Variants in GSE1 observed in about 807,000 individuals in gnomAD.
GSE1 encodes genetic suppressor element 1.
In GSE1, 32 loss-of-function variants were observed where a neutral mutation model predicts 112.6. The observed-to-expected ratio is 0.28, with a 90% CI of 0.21 to 0.38. The LOEUF is 0.38. Among genes scored for constraint, GSE1 ranks in the 10% least tolerant of loss-of-function variants. The probability of loss-of-function intolerance (pLI) is 1.00; values close to 1 mark genes in which losing one functional copy is unlikely to be tolerated. For synonymous variants in GSE1, 1,115 were observed against 735.6 expected (o/e 1.52, Z -8.35); for missense variants, 2,348 against 1,699.2 (o/e 1.38, Z -6.71).
At chr16:85,341,757 C>T (rs1309173973) in intron 1 of GSE1, among the ~76,000 whole-genome samples, 1 of 151,356 alleles carries the variant, frequency 6.6e-6, no homozygotes, top group Non-Finnish European at 1.5e-5. Flanking sequence ...GCCCTGGCCC[C>T]CCAAAACACT....
At chr16:85,463,486 G>A (rs1279006949) in intron 2 of GSE1, among the ~76,000 whole-genome samples, 10 of 152,178 alleles carry the variant, frequency 6.6e-5, no homozygotes, top group Non-Finnish European at 1.5e-5. Context: ...CTGGCCATGC[G>A]GCTCCTGGAG....
rs554892324 is a variant in GSE1 at position 85,373,320 on chromosome 16, G to A, written c.2464+15677G>A. ...TGTCTCAAACAGCCAGGCTGTTGGG[G>A]TGCCTTCTCTGATGTCTTCTATCAT... On this transcript the variant is annotated intron_variant, in intron 2 of 2. Transcript: ENST00000637419. The surrounding 1 kb of genome is among the most constrained non-coding windows in gnomAD (Gnocchi z 5.1). Among the ~76,000 whole-genome samples the A allele has an allele frequency of 1.3e-5, 2 of 152,230 alleles. No individual in the cohort carries two copies. The highest frequency in any genetic ancestry group is 3.9e-4 in the East Asian group (2 of 5,194).
At chr16:85,326,325 G>A (rs763456824) in intron 1 of GSE1, among the ~76,000 whole-genome samples, 1 of 152,218 alleles carries the variant, frequency 6.6e-6, no homozygotes, top group Non-Finnish European at 1.5e-5. Context: ...TAACATGTCT[G>A]TGCCTCAGTG....
Position 85,663,622 on chromosome 16 carries a change from C to G in GSE1, c.2644+8C>G, listed in dbSNP as rs1258384153. 2 of 1,606,838 alleles carry G rather than the reference C, an allele frequency of 1.2e-6. No homozygotes were observed. The highest frequency in any genetic ancestry group is 8.5e-7 in the Non-Finnish European group (1 of 1,175,782). On this transcript the variant is annotated splice_region_variant and intron_variant, in intron 11 of 15. Coordinates refer to ENST00000253458, the MANE Select transcript of GSE1 (RefSeq NM_014615.5). The stretch of plus-strand genomic sequence containing the variant: ...GCGCTGAGAAGAGGAAAGGTAGGGC[C>G]TCGCCTGGGTAGGAAGGTGGGGGCT...
chr16:85,464,607 C>G (rs1371195735), intron 2 of GSE1, among the ~76,000 whole-genome samples: 3 of 152,214 alleles, frequency 2.0e-5, no homozygotes, highest in Non-Finnish European at 4.4e-5. Flanking sequence ...GCCGGTTGCA[C>G]AGGGTACTCA....
intron 1 of GSE1, among the ~76,000 whole-genome samples, chr16:85,186,835 A>G (rs947652705): frequency 1.3e-5 from 2 of 152,238 alleles, no homozygotes; most frequent in African/African-American, 4.8e-5. Context: ...AAGGATGATG[A>G]TGATGGTGGT....
intron 1 of GSE1, among the ~76,000 whole-genome samples, chr16:85,173,024 T>G (rs1386370119): frequency 2.0e-4 from 31 of 152,244 alleles, no homozygotes; most frequent in Admixed American, 2.0e-3. Context: ...GGATGGTCTC[T>G]CGTTTTAATT....
At chr16:85,196,974 C>G (rs1163425398) in intron 1 of GSE1, among the ~76,000 whole-genome samples, 2 of 152,332 alleles carry the variant, frequency 1.3e-5, no homozygotes, top group Non-Finnish European at 1.5e-5. Flanking sequence ...GCCAGGGAGT[C>G]TGGAGACCCC....
chr16:85,466,073 G>T (rs564416582), intron 2 of GSE1, among the ~76,000 whole-genome samples: 10 of 152,330 alleles, frequency 6.6e-5, no homozygotes, highest in African/African-American at 2.4e-4. Flanking sequence ...GGCCCAGAGG[G>T]CAGGTTCACA....
At chr16:85,360,716 G>T (rs533113896) in intron 2 of GSE1, among the ~76,000 whole-genome samples, 2 of 151,852 alleles carry the variant, frequency 1.3e-5, no homozygotes, top group South Asian at 4.2e-4. Context: ...ACACACAGAC[G>T]AAAGCAGGCA....
chr16:85,526,333 C>T (rs2052364377), intron 2 of GSE1, among the ~76,000 whole-genome samples: 1 of 152,242 alleles, frequency 6.6e-6, no homozygotes, highest in South Asian at 2.1e-4. Flanking sequence ...TGTTGGGGAC[C>T]CAGGCCGCTG....
rs1189102372 is a variant in GSE1, at chr16:85,409,376, C to T, written c.2464+51733C>T. 5.0e-5 allele frequency among the ~76,000 whole-genome samples: 2 copies of T among 40,402 alleles called. 1 individual carries two copies. The highest frequency in any genetic ancestry group is 2.2e-3 in the East Asian group (2 of 910). The allele number at this position is 40,402 out of a possible 152,430, so 26.5% of individuals were successfully genotyped here. A position where few individuals can be genotyped will look rare whatever the true frequency, so the allele number is the denominator to read the frequency against. On this transcript the variant is annotated intron_variant, in intron 2 of 2. Transcript: ENST00000637419. ...TAATCCTCACTGTTACACTCAGGCC[C>T]CCTGGATAATCCTCACTGTTACACT...
At chr16:85,328,476 A>G (rs1168367147) in intron 1 of GSE1, among the ~76,000 whole-genome samples, 1 of 152,226 alleles carries the variant, frequency 6.6e-6, no homozygotes, top group Non-Finnish European at 1.5e-5. Flanking sequence ...CCGCCCGCCT[A>G]GACACTCCAG....
chr16:85,246,200 T>TACACAC (rs545313239), intron 1 of GSE1, among the ~76,000 whole-genome samples: 2,702 of 89,064 alleles, frequency 0.03, 141 homozygotes, highest in African/African-American at 0.08. Flanking sequence ...TCAGGGACCC[T>TACACAC]ACACACACAC....
intron 1 of GSE1, among the ~76,000 whole-genome samples, chr16:85,188,599 A>G (rs951167513): frequency 1.3e-5 from 2 of 151,818 alleles, no homozygotes; most frequent in South Asian, 4.2e-4. Context: ...GCCGGGAGTT[A>G]AAGACTAGCC....
intron 1 of GSE1, among the ~76,000 whole-genome samples, chr16:85,346,873 G>A (rs2046753669): frequency 1.3e-5 from 2 of 152,074 alleles, no homozygotes; most frequent in African/African-American, 4.8e-5. Context: ...ACAGGTAGAT[G>A]GATGGTGGAT....
intron 1 of GSE1, among the ~76,000 whole-genome samples, chr16:85,233,900 C>T (rs1904335796): frequency 6.6e-6 from 1 of 152,080 alleles, no homozygotes; most frequent in African/African-American, 2.4e-5. Flanking sequence ...CCAGGGCCCT[C>T]CTACCCCTGC....
intron 12 of GSE1, 110 bp from the exon 13 acceptor site, chr16:85,665,866 T>G (rs944786320): frequency 9.7e-7 from 1 of 1,027,890 alleles, no homozygotes; most frequent in Non-Finnish European, 1.5e-6. Context: ...CTTGGTTCTT[T>G]GCGCTAGGTC....
upstream of GSE1, among the ~76,000 whole-genome samples, chr16:85,609,921 G>A (rs768876454): frequency 1.3e-5 from 2 of 152,196 alleles, no homozygotes; most frequent in Non-Finnish European, 2.9e-5. Flanking sequence ...CCCCCCCAAA[G>A]TGCTGGGATT....
Sources: allele counts gnomAD v4.1 joint callset (sites outside exome capture counted in the v4.1 genomes callset), GRCh38; gene constraint gnomAD v4.1.1; non-coding constraint Gnocchi (gnomAD v3.1); transcripts MANE v1.5; gene names NCBI Gene and HGNC (gene_info 2026-07-23, HGNC 2026-07-21).